RARB: variants seen among roughly 807,000 people sequenced by gnomAD.
RARB encodes retinoic acid receptor beta.
RARB carries 17 observed loss-of-function variants against 51.9 expected under a neutral mutation model. The ratio of observed to expected loss-of-function variants is 0.33; its 90% confidence interval spans 0.22 to 0.49. The LOEUF is 0.49. Ranked by LOEUF, RARB falls within the 20% of genes least tolerant of loss-of-function variation. The pLI is 0.99. For missense variants in RARB, 369 were observed against 550.8 expected, an observed-to-expected ratio of 0.67 and a Z score of 3.30; for synonymous variants, 215 against 195.4, an observed-to-expected ratio of 1.10 and a Z score of -0.84.
intron 5 of RARB, among the ~76,000 whole-genome samples, chr3:25,245,190 A>T (rs190266753): frequency 2.0e-5 from 3 of 152,038 alleles, no homozygotes; most frequent in African/African-American, 4.8e-5. Flanking sequence ...TTTTGAGTCT[A>T]TGAGTATCTT....
At chr3:25,368,456 C>T (rs745854533) in intron 5 of RARB, among the ~76,000 whole-genome samples, 2 of 152,106 alleles carry the variant, frequency 1.3e-5, no homozygotes, top group Non-Finnish European at 2.9e-5. Flanking sequence ...AGCATTTATA[C>T]ACAAGCAGGC....
At chr3:25,522,675 C>T (rs1167213695) in intron 3 of RARB, among the ~76,000 whole-genome samples, 1 of 152,078 alleles carries the variant, frequency 6.6e-6, no homozygotes, top group African/African-American at 2.4e-5. Context: ...AAAGGCTTGG[C>T]CCAGACTCAA....
At chr3:25,410,339 C>T (rs976297998) in intron 5 of RARB, among the ~76,000 whole-genome samples, 1 of 152,210 alleles carries the variant, frequency 6.6e-6, no homozygotes, top group Non-Finnish European at 1.5e-5. Context: ...CTCTTACTTT[C>T]TTTTAAGCTG....
At chr3:24,850,000 A>C (rs1702536746) in intron 1 of RARB, among the ~76,000 whole-genome samples, 1 of 152,198 alleles carries the variant, frequency 6.6e-6, no homozygotes, top group Non-Finnish European at 1.5e-5. Flanking sequence ...CATTTCTCGC[A>C]GTTCTGAAGG....
chr3:25,074,683 T>G (rs1207640965), intron 3 of RARB, among the ~76,000 whole-genome samples: 1 of 152,200 alleles, frequency 6.6e-6, no homozygotes, highest in South Asian at 2.1e-4. Flanking sequence ...ATCAAAGACT[T>G]ACTACTTACT....
At chr3:25,216,560 A>G (rs1305246343) in intron 5 of RARB, among the ~76,000 whole-genome samples, 3 of 151,790 alleles carry the variant, frequency 2.0e-5, no homozygotes, top group Non-Finnish European at 4.4e-5. Context: ...ACAAAGGGGA[A>G]CAACACACAC....
At chr3:24,985,770 G>A (rs546889686) in intron 2 of RARB, among the ~76,000 whole-genome samples, 1 of 152,168 alleles carries the variant, frequency 6.6e-6, no homozygotes, top group Non-Finnish European at 1.5e-5. Flanking sequence ...TTGCACAGTA[G>A]CTACAGCAGC....
chr3:24,839,435 G>T (rs188521970), intron 1 of RARB, among the ~76,000 whole-genome samples: 72 of 151,984 alleles, frequency 4.7e-4, no homozygotes, highest in Non-Finnish European at 5.4e-4. Flanking sequence ...AGGCATGGTG[G>T]CTCATGCCTA....
chr3:24,939,263 A>G (rs1224201807), intron 2 of RARB, among the ~76,000 whole-genome samples: 1 of 152,190 alleles, frequency 6.6e-6, no homozygotes, highest in Non-Finnish European at 1.5e-5. Flanking sequence ...TTTTGTGAAC[A>G]ATGCTTCCGT....
At chr3:25,380,233 C>A (rs1475103074) in intron 5 of RARB, among the ~76,000 whole-genome samples, 1 of 152,170 alleles carries the variant, frequency 6.6e-6, no homozygotes, top group Non-Finnish European at 1.5e-5. Context: ...CCCAGAGTGA[C>A]AGGATCCTCG....
intron 2 of RARB, among the ~76,000 whole-genome samples, chr3:25,042,811 C>T (rs1340769431): frequency 6.6e-6 from 1 of 152,138 alleles, no homozygotes; most frequent in Non-Finnish European, 1.5e-5. Flanking sequence ...TGAACTTATC[C>T]TTCATAACTG....
chr3:25,369,967 T>C lies in RARB; in HGVS notation c.179-91226T>C, dbSNP rs138560007. ...TCACATAGTTTGGAATAGTGATAAA[T>C]TGGAAATAGCCTAAGTGTTCATCTT... On this transcript the variant is annotated intron_variant, in intron 5 of 11. Coordinates refer to the RARB transcript ENST00000383772. 5.0e-3 allele frequency among the ~76,000 whole-genome samples: 755 copies of C among 151,336 alleles called. 6 individuals are homozygous for C. The highest frequency in any genetic ancestry group is 8.0e-3 in the Non-Finnish European group (542 of 67,884).
rs1006495867 is a variant in RARB, at chr3:25,533,707, C to T, written c.448+32384C>T. Among the ~76,000 whole-genome samples the T allele has an allele frequency of 3.9e-5, 6 of 152,180 alleles. No homozygotes were observed. The East Asian group carries it at 9.6e-4, about 24-fold the overall frequency. ...CCATAGAGGGAGCAAAAAGAACCCACATGATTCTATTAGACAATGCTAAAT... is the reference window on the plus strand; with the variant it reads ...CCATAGAGGGAGCAAAAAGAACCCATATGATTCTATTAGACAATGCTAAAT... On this transcript the variant is annotated intron_variant, in intron 3 of 7. Transcript: ENST00000330688.
intron 3 of RARB, among the ~76,000 whole-genome samples, chr3:25,521,162 A>C (rs1213853074): frequency 2.0e-5 from 3 of 152,200 alleles, no homozygotes; most frequent in Non-Finnish European, 1.5e-5. Flanking sequence ...CTTTCTCCTG[A>C]AGTCCACATC....
intron 2 of RARB, among the ~76,000 whole-genome samples, chr3:24,926,575 T>C (rs909954639): frequency 1.8e-4 from 28 of 152,158 alleles, no homozygotes; most frequent in African/African-American, 6.3e-4. Context: ...ACAAAAAGGA[T>C]GAGCTAGTGA....
intron 3 of RARB, among the ~76,000 whole-genome samples, chr3:25,515,674 A>G (rs890800008): frequency 1.3e-5 from 2 of 152,222 alleles, no homozygotes; most frequent in Admixed American, 1.3e-4. Flanking sequence ...GAAACAGTCT[A>G]TATTATTCCA....
In RARB at chr3:25,530,111, C is replaced by A. The variant is rs566663586; in HGVS notation, c.448+28788C>A. Among the ~76,000 whole-genome samples, 307 of 152,294 alleles carry A rather than the reference C, an allele frequency of 2.0e-3. 2 individuals carry two copies. The highest frequency in any genetic ancestry group is 3.7e-3 in the Non-Finnish European group (254 of 68,040). On this transcript the variant is annotated intron_variant, in intron 3 of 7. Transcript: ENST00000330688. ...CAGCTGTCTGTGGACTTCTCTATGT[C>A]CCACTAGACTGAAGGCTGCCTGAGT...
intron 2 of RARB, among the ~76,000 whole-genome samples, chr3:24,984,526 C>G (rs555937904): frequency 6.6e-6 from 1 of 152,224 alleles, no homozygotes; most frequent in Non-Finnish European, 1.5e-5. Context: ...CATAATCTCA[C>G]TTATATGTGG....
intron 5 of RARB, among the ~76,000 whole-genome samples, chr3:25,328,059 G>A (rs1057101401): frequency 6.6e-6 from 1 of 152,140 alleles, no homozygotes; most frequent in African/African-American, 2.4e-5. Flanking sequence ...AGAATTATTA[G>A]CAATACAAAT....
Sources: gnomAD v4.1 joint callset for allele counts (sites outside exome capture counted in the v4.1 genomes callset) on GRCh38, gnomAD v4.1.1 for gene constraint, MANE v1.5 for transcripts, NCBI Gene and HGNC (gene_info 2026-07-23, HGNC 2026-07-21) for gene names.